Variants in TDRD3 observed in about 807,000 individuals in gnomAD.
TDRD3 encodes the protein tudor domain-containing protein 3.
A neutral mutation model predicts 86.7 loss-of-function variants in TDRD3; 45 were observed. The ratio of observed to expected loss-of-function variants is 0.52; its 90% CI spans 0.41 to 0.67. The LOEUF (loss-of-function observed/expected upper bound fraction) is 0.67, where lower values mean the gene tolerates loss of function less well. Ranked by LOEUF, TDRD3 falls within the 30% of genes least tolerant of loss-of-function variation. The pLI is 0.00. For missense variants in TDRD3, 814 were observed against 889.0 expected, an observed-to-expected ratio of 0.92 and a Z score of 1.07; for synonymous variants, 298 against 301.7, an observed-to-expected ratio of 0.99 and a Z score of 0.13.
chr13:60,562,380 C>G (rs1233892948), intron 12 of TDRD3, among the ~76,000 whole-genome samples: 1 of 150,762 alleles, frequency 6.6e-6, no homozygotes, highest in Non-Finnish European at 1.5e-5. Context: ...TTTAGCTACT[C>G]TAATATAGAA....
chr13:60,441,685 G>A (rs1402000566), intron 2 of TDRD3, among the ~76,000 whole-genome samples: 1 of 152,070 alleles, frequency 6.6e-6, no homozygotes, highest in African/African-American at 2.4e-5. Context: ...ATATATGTAC[G>A]TACCCACACA....
chr13:60,411,587 G>A (rs1439693585), intron 1 of TDRD3, among the ~76,000 whole-genome samples: 1 of 151,782 alleles, frequency 6.6e-6, no homozygotes, highest in Non-Finnish European at 1.5e-5. Flanking sequence ...GAGAACATAG[G>A]TTTTTTTTGG....
At chr13:60,526,108 A>G (rs941131247) in intron 10 of TDRD3, among the ~76,000 whole-genome samples, 3 of 152,152 alleles carry the variant, frequency 2.0e-5, no homozygotes, top group Non-Finnish European at 4.4e-5. Flanking sequence ...TGATGACTTA[A>G]TATTTTCTCT....
At chr13:60,558,475 A>G (rs1446622533) in intron 12 of TDRD3, among the ~76,000 whole-genome samples, 1 of 152,234 alleles carries the variant, frequency 6.6e-6, no homozygotes, top group Non-Finnish European at 1.5e-5. Flanking sequence ...ACCTGAAAAC[A>G]TATCAATAGG....
intron 2 of TDRD3, among the ~76,000 whole-genome samples, chr13:60,442,646 A>G (rs1955308496): frequency 6.6e-6 from 1 of 152,128 alleles, no homozygotes; most frequent in South Asian, 2.1e-4. Context: ...ACATCAAAAT[A>G]ACATTTGTAT....
At position 60,456,451 on chromosome 13, in the gene TDRD3, C is replaced by T. The variant is rs545961493; in HGVS notation, c.193-3929C>T. Among the ~76,000 whole-genome samples, 3 of 152,170 alleles carry T rather than the reference C, an allele frequency of 2.0e-5. No individual in the cohort carries two copies. In the East Asian group the frequency reaches 5.8e-4, roughly 29 times the overall value. ...TGTTTGTTAGAGTTAGACATGCTTA[C>T]CTGGAGGTGCAATGATACATCTTTC... On this transcript the variant is annotated intron_variant, in intron 3 of 13. Coordinates refer to ENST00000377881, the MANE Select transcript of TDRD3 (RefSeq NM_001146070.2).
chr13:60,488,881 G>A lies in TDRD3; in HGVS notation c.717+2933G>A, dbSNP rs139959140. On this transcript the variant is annotated intron_variant, in intron 7 of 13. Coordinates refer to ENST00000377881, the MANE Select transcript of TDRD3 (RefSeq NM_001146070.2). The stretch of plus-strand genomic sequence containing the variant: ...CAGGCGTGAGCTACCATGCCTGGCC[G>A]GGTTTATTTTTTGTTTTGTTTAGTT... Among the ~76,000 whole-genome samples the A allele has an allele frequency of 4.9e-3, 746 of 152,036 alleles. 5 individuals carry two copies. Among genetic ancestry groups the A allele is most frequent in the Non-Finnish European group, 7.1e-3 (482 of 67,942 alleles).
intron 8 of TDRD3, among the ~76,000 whole-genome samples, chr13:60,505,410 G>A (rs1009084767): frequency 1.3e-5 from 2 of 152,176 alleles, no homozygotes; most frequent in Non-Finnish European, 2.9e-5. Flanking sequence ...TCTGGGGAGG[G>A]CATTTGTCAA....
At chr13:60,421,980 G>T (rs1954671149) in intron 1 of TDRD3, among the ~76,000 whole-genome samples, 1 of 152,144 alleles carries the variant, frequency 6.6e-6, no homozygotes, top group Non-Finnish European at 1.5e-5. Context: ...GGGCCAGAAA[G>T]AAACAGATGA....
intron 1 of TDRD3, among the ~76,000 whole-genome samples, chr13:60,400,026 T>A (rs757335051): frequency 1.3e-5 from 2 of 152,212 alleles, no homozygotes; most frequent in Non-Finnish European, 2.9e-5. Context: ...TTAAAATAAT[T>A]TTTGTTCTTC....
At chr13:60,525,604 ACATCATC>A (rs1210183198) in intron 10 of TDRD3, among the ~76,000 whole-genome samples, 1 of 152,228 alleles carries the variant, frequency 6.6e-6, no homozygotes, top group African/African-American at 2.4e-5. Flanking sequence ...AGTCTAATGT[ACATCATC>A]ATCAATTCAG....
intron 5 of TDRD3, 74 bp from the exon 6 acceptor site, chr13:60,483,701 C>G: frequency 7.3e-7 from 1 of 1,366,402 alleles, no homozygotes; most frequent in Admixed American, 2.2e-5. Context: ...TAGGTAGATT[C>G]CTGTTACATT....
intron 1 of TDRD3, among the ~76,000 whole-genome samples, chr13:60,435,918 GTT>G (rs767705603): frequency 8.0e-6 from 1 of 124,764 alleles, no homozygotes; most frequent in Non-Finnish European, 1.8e-5. Context: ...AACATCTATG[GTT>G]TTTTTTTTTT....
chr13:60,404,829 G>T (rs1954195640), intron 1 of TDRD3, among the ~76,000 whole-genome samples: 1 of 152,206 alleles, frequency 6.6e-6, no homozygotes, highest in Non-Finnish European at 1.5e-5. Flanking sequence ...ATCTCATCTT[G>T]TAGCTCCCAT....
rs1255146309 is a variant in TDRD3 at position 60,494,673 on chromosome 13, A to G, written c.858+98A>G. On this transcript the variant is annotated intron_variant, in intron 8 of 13. Coordinates refer to ENST00000377881, the MANE Select transcript of TDRD3 (RefSeq NM_001146070.2). Reference sequence around the variant, plus strand: ...CACCACTGGCTTTGTGCAATGTATTATGGATAGATGTTATAACTCTTGAAG... The same window carrying G: ...CACCACTGGCTTTGTGCAATGTATTGTGGATAGATGTTATAACTCTTGAAG... 3.8e-6 allele frequency: 4 copies of G among 1,064,864 alleles called. No homozygotes were observed. The East Asian group carries it at 7.8e-5, about 21-fold the overall frequency. The allele number at this position is 1,064,864 out of a possible 1,614,324, so 66.0% of individuals were successfully genotyped here.
intron 1 of TDRD3, among the ~76,000 whole-genome samples, chr13:60,398,003 C>G (rs1483003910): frequency 6.6e-6 from 1 of 152,182 alleles, no homozygotes; most frequent in Non-Finnish European, 1.5e-5. Flanking sequence ...TAAGAATGAC[C>G]GCAATGTCAA....
chr13:60,399,223 G>A (rs1179828608), intron 1 of TDRD3, among the ~76,000 whole-genome samples: 3 of 152,138 alleles, frequency 2.0e-5, no homozygotes, highest in Admixed American at 6.5e-5. Flanking sequence ...GAATTCTCTG[G>A]GCAGGGCCTC....
Position 60,442,480 on chromosome 13 carries a change from A to G in TDRD3, c.127-2203A>G, listed in dbSNP as rs534151645. Reference sequence around the variant, plus strand: ...TTTTACAGGCTAAAAGTTTTCCTGTATTATTATTTTTTGTTGTTCAATATA... The same window carrying G: ...TTTTACAGGCTAAAAGTTTTCCTGTGTTATTATTTTTTGTTGTTCAATATA... On this transcript the variant is annotated intron_variant, in intron 2 of 13. Transcript: ENST00000377881. Among the ~76,000 whole-genome samples the G allele has an allele frequency of 1.3e-4, 20 of 151,934 alleles. No individual in the cohort carries two copies. In the East Asian group the frequency reaches 3.1e-3, roughly 23 times the overall value.
intron 11 of TDRD3, among the ~76,000 whole-genome samples, chr13:60,534,623 G>T (rs1432448164): frequency 6.6e-6 from 1 of 151,622 alleles, no homozygotes; most frequent in African/African-American, 2.4e-5. Flanking sequence ...TATATATTCT[G>T]ATTAGTATAT....
Sources: allele counts gnomAD v4.1 joint callset (sites outside exome capture counted in the v4.1 genomes callset), GRCh38; gene constraint gnomAD v4.1.1; transcripts MANE v1.5; gene names NCBI Gene and HGNC (gene_info 2026-07-23, HGNC 2026-07-21).